The following NTRK3 variants were observed in gnomAD, a reference collection of about 807,000 sequenced individuals.
NTRK3 encodes NT-3 growth factor receptor.
In NTRK3, 24 loss-of-function variants were observed where a neutral mutation model predicts 91.7. The ratio of observed to expected loss-of-function variants is 0.26; its 90% confidence interval spans 0.19 to 0.37. The LOEUF (loss-of-function observed/expected upper bound fraction) is 0.37. NTRK3 is among the 10% of genes least tolerant of loss of function. The pLI is 1.00. For synonymous variants in NTRK3, 483 were observed against 404.0 expected (o/e 1.20, Z -2.34); for missense variants, 880 against 1,068.9 (o/e 0.82, Z 2.46).
At chr15:88,059,414 C>A (rs1294339925) in intron 13 of NTRK3, among the ~76,000 whole-genome samples, 1 of 152,122 alleles carries the variant, frequency 6.6e-6, no homozygotes, top group Non-Finnish European at 1.5e-5. Flanking sequence ...TTCATTGTTG[C>A]TCCTCTATCA....
intron 3 of NTRK3, among the ~76,000 whole-genome samples, chr15:88,209,461 G>C (rs58529968): frequency 0.055 from 8,362 of 152,258 alleles, 717 homozygotes; most frequent in African/African-American, 0.18. Context: ...TCAGGAAAAC[G>C]GAATTCACAT....
intron 3 of NTRK3, among the ~76,000 whole-genome samples, chr15:88,208,642 C>G (rs1284684416): frequency 2.0e-5 from 3 of 152,142 alleles, no homozygotes; most frequent in African/African-American, 7.2e-5. Flanking sequence ...AGAGTAGGCA[C>G]TCACAGTGAT....
intron 5 of NTRK3, among the ~76,000 whole-genome samples, chr15:88,175,748 C>G (rs2045935834): frequency 6.6e-6 from 1 of 152,180 alleles, no homozygotes; most frequent in Non-Finnish European, 1.5e-5. Context: ...ATCTTGCTAA[C>G]AACCATATTA....
intron 5 of NTRK3, among the ~76,000 whole-genome samples, chr15:88,170,929 G>A (rs1160087527): frequency 1.3e-5 from 2 of 152,130 alleles, no homozygotes; most frequent in African/African-American, 4.8e-5. Flanking sequence ...CCTCAGTGGT[G>A]CCTTCCACCC....
At chr15:87,979,313 G>A (rs369664136) in intron 14 of NTRK3, 8 of 1,451,412 alleles carry the variant, frequency 5.5e-6, no homozygotes, top group Non-Finnish European at 7.8e-6. Context: ...CTACCAAGGT[G>A]ACATCAAAAC....
chr15:88,136,667 C>A, intron 7 of NTRK3, 58 bp from the exon 8 acceptor site: 1 of 1,579,684 alleles, frequency 6.3e-7, no homozygotes, highest in Non-Finnish European at 8.6e-7. Flanking sequence ...CCAAAGGAAG[C>A]TCTGTCCATG....
chr15:88,098,551 C>A (rs1270958948), intron 13 of NTRK3: 1 of 227,760 alleles, frequency 4.4e-6, no homozygotes, highest in African/African-American at 2.2e-5. Flanking sequence ...AACAACAGAA[C>A]TTATGATAAA....
chr15:88,139,615 T>C lies in NTRK3; in HGVS notation c.465-2054A>G, dbSNP rs183341377. The stretch of plus-strand genomic sequence containing the variant: ...TGCACATGGTACTCTGTCAGAAAGG[T>C]GAAGGGAAAGAACTAACCCTTACTG... On this transcript the variant is annotated intron_variant, in intron 6 of 18. Coordinates refer to ENST00000394480, the Ensembl canonical transcript of NTRK3. Among the ~76,000 whole-genome samples, 6 of 152,142 alleles carry C rather than the reference T, an allele frequency of 3.9e-5. No individual in the cohort carries two copies. The East Asian group carries it at 1.2e-3, about 30-fold the overall frequency.
intron 13 of NTRK3, among the ~76,000 whole-genome samples, chr15:88,086,754 A>G (rs2150712873): frequency 6.6e-6 from 1 of 152,330 alleles, no homozygotes; most frequent in Non-Finnish European, 1.5e-5. Flanking sequence ...ATGGGCAGAC[A>G]AGTTCAGGAA....
At chr15:88,005,200 G>A (rs1032903268) in intron 14 of NTRK3, among the ~76,000 whole-genome samples, 4 of 152,144 alleles carry the variant, frequency 2.6e-5, no homozygotes, top group African/African-American at 4.8e-5. Context: ...GACACACCCT[G>A]GTGCTGCCAG....
At chr15:87,967,032 T>A (rs1026351389) in intron 14 of NTRK3, among the ~76,000 whole-genome samples, 1 of 152,216 alleles carries the variant, frequency 6.6e-6, no homozygotes. Flanking sequence ...TGAAAACCAG[T>A]GCAGGAGACA....
At chr15:88,047,622 A>G (rs770164197) in intron 13 of NTRK3, among the ~76,000 whole-genome samples, 6 of 152,188 alleles carry the variant, frequency 3.9e-5, no homozygotes, top group Non-Finnish European at 7.3e-5. Context: ...CTGTTTCTTC[A>G]TGCATCCATT....
intron 14 of NTRK3, among the ~76,000 whole-genome samples, chr15:88,029,418 G>A (rs1338940704): frequency 6.6e-6 from 1 of 152,180 alleles, no homozygotes; most frequent in African/African-American, 2.4e-5. Flanking sequence ...GAGAAGCAAG[G>A]AGAGGACCAG....
At chr15:87,918,187 G>C (rs565613465) in intron 17 of NTRK3, among the ~76,000 whole-genome samples, 72 of 152,188 alleles carry the variant, frequency 4.7e-4, no homozygotes, top group African/African-American at 1.5e-3. Context: ...TCCTGGGCCA[G>C]TGCAATGGCC....
intron 17 of NTRK3, chr15:87,927,981 T>A (rs930637726): frequency 2.6e-5 from 4 of 152,278 alleles, no homozygotes; most frequent in African/African-American, 9.7e-5. Context: ...TTTGTTTTTT[T>A]GTTTTTTTGG....
At chr15:88,212,238 C>T (rs2049317362) in intron 3 of NTRK3, among the ~76,000 whole-genome samples, 2 of 152,138 alleles carry the variant, frequency 1.3e-5, no homozygotes, top group African/African-American at 4.8e-5. Context: ...GGCATGGTGG[C>T]AGGCGCCTGT....
intron 14 of NTRK3, among the ~76,000 whole-genome samples, chr15:87,997,562 A>AT (rs201446393): frequency 5.3e-5 from 8 of 152,090 alleles, no homozygotes; most frequent in Admixed American, 3.3e-4. Flanking sequence ...AGCAGTAAAT[A>AT]TTTTTTTTAT....
At position 88,183,874 on chromosome 15, in the gene NTRK3, T is replaced by A. The variant is rs538911918; in HGVS notation, c.323+351A>T. On this transcript the variant is annotated intron_variant, in intron 4 of 18. Transcript: ENST00000394480. ...ACCGACATCCAAGGGTGGAGGTAGCTGGGAAATCTCATACTCCATGGGGCT... is the reference window on the plus strand; with the variant it reads ...ACCGACATCCAAGGGTGGAGGTAGCAGGGAAATCTCATACTCCATGGGGCT... Among the ~76,000 whole-genome samples, 4 of 152,266 alleles carry A rather than the reference T, an allele frequency of 2.6e-5. No homozygotes were observed. The East Asian group carries it at 7.7e-4, about 29-fold the overall frequency.
intron 14 of NTRK3, among the ~76,000 whole-genome samples, chr15:87,970,311 C>T (rs998708152): frequency 3.3e-5 from 5 of 152,154 alleles, no homozygotes; most frequent in East Asian, 3.9e-4. Flanking sequence ...GATATCACAG[C>T]GAAGGTTTCC....
Sources: gnomAD v4.1 joint callset for allele counts (sites outside exome capture counted in the v4.1 genomes callset) on GRCh38, gnomAD v4.1.1 for gene constraint, MANE v1.5 for transcripts, NCBI Gene and HGNC (gene_info 2026-07-23, HGNC 2026-07-21) for gene names.